CDKAL1: variants seen among roughly 807,000 people sequenced by gnomAD.
CDKAL1 encodes CDKAL1 threonylcarbamoyladenosine tRNA methylthiotransferase.
A neutral mutation model predicts 68.2 loss-of-function variants in CDKAL1; 32 were observed. The ratio of observed to expected loss-of-function variants is 0.47; its 90% CI spans 0.35 to 0.63. The LOEUF (loss-of-function observed/expected upper bound fraction) is 0.63, where lower values mean the gene tolerates loss of function less well. Among genes scored for constraint, CDKAL1 ranks in the 30% least tolerant of loss-of-function variants. The pLI, the probability that CDKAL1 is intolerant of heterozygous loss-of-function variation, is 0.00. For missense variants in CDKAL1, 606 were observed against 696.7 expected (o/e 0.87, Z 1.47); for synonymous variants, 234 against 244.3 (o/e 0.96, Z 0.39).
chr6:21,184,247 T>C (rs1485671549), intron 13 of CDKAL1, among the ~76,000 whole-genome samples: 1 of 149,022 alleles, frequency 6.7e-6, no homozygotes, highest in Non-Finnish European at 1.5e-5. Context: ...CAGGCTGGAG[T>C]GCAATGGCAC....
At chr6:20,632,149 C>T (rs1314266345) in intron 4 of CDKAL1, among the ~76,000 whole-genome samples, 3 of 152,228 alleles carry the variant, frequency 2.0e-5, no homozygotes, top group Admixed American at 6.5e-5. Context: ...ACCCAACCTA[C>T]TGAACATCAT....
intron 9 of CDKAL1, among the ~76,000 whole-genome samples, chr6:20,904,916 C>CAATCA (rs1762168061): frequency 6.6e-6 from 1 of 152,090 alleles, no homozygotes; most frequent in African/African-American, 2.4e-5. Flanking sequence ...CTGCCTATAT[C>CAATCA]AATCAAATCA....
chr6:21,102,493 C>A (rs539089709), intron 12 of CDKAL1, among the ~76,000 whole-genome samples: 44 of 152,304 alleles, frequency 2.9e-4, no homozygotes, highest in African/African-American at 1.0e-3. Flanking sequence ...CTTATTGCAT[C>A]TTAGTAAGCC....
chr6:21,165,988 A>G (rs180865906), intron 13 of CDKAL1, among the ~76,000 whole-genome samples: 2 of 152,318 alleles, frequency 1.3e-5, no homozygotes, highest in African/African-American at 4.8e-5. Flanking sequence ...GACCTTCGGA[A>G]AGTAACTAAC....
At chr6:20,745,004 A>G (rs372480882) in intron 6 of CDKAL1, among the ~76,000 whole-genome samples, 3 of 152,378 alleles carry the variant, frequency 2.0e-5, no homozygotes, top group Admixed American at 6.5e-5. Flanking sequence ...ACAATTTGAT[A>G]TTGAAAATTT....
chr6:20,598,502 A>T (rs532348788), intron 4 of CDKAL1, among the ~76,000 whole-genome samples: 1 of 152,336 alleles, frequency 6.6e-6, no homozygotes, highest in South Asian at 2.1e-4. Context: ...CATATCTGAC[A>T]CATCTTGCTA....
chr6:21,009,440 T>A (rs1767898635), intron 11 of CDKAL1, among the ~76,000 whole-genome samples: 1 of 152,124 alleles, frequency 6.6e-6, no homozygotes, highest in Non-Finnish European at 1.5e-5. Flanking sequence ...GGTGAGGGGA[T>A]CAATAAAGAA....
At chr6:20,738,358 G>A (rs1044180961) in intron 5 of CDKAL1, among the ~76,000 whole-genome samples, 68 of 151,984 alleles carry the variant, frequency 4.5e-4, no homozygotes, top group Non-Finnish European at 9.1e-4. Context: ...ATAAATGTTT[G>A]CTATATATAT....
intron 9 of CDKAL1, among the ~76,000 whole-genome samples, chr6:20,927,912 CTG>C (rs1561891022): frequency 1.3e-5 from 2 of 152,118 alleles, no homozygotes; most frequent in African/African-American, 2.4e-5. Flanking sequence ...GATTATTAGA[CTG>C]TATAATTTGA....
At chr6:20,878,605 G>A (rs1294756731) in intron 9 of CDKAL1, among the ~76,000 whole-genome samples, 1 of 151,478 alleles carries the variant, frequency 6.6e-6, no homozygotes, top group Non-Finnish European at 1.5e-5. Flanking sequence ...GCCGGGTGTG[G>A]TGATGCATGC....
At chr6:20,724,057 C>T (rs928292856) in intron 5 of CDKAL1, among the ~76,000 whole-genome samples, 4 of 152,234 alleles carry the variant, frequency 2.6e-5, no homozygotes, top group Admixed American at 6.5e-5. Flanking sequence ...CTCAGCCTCC[C>T]GAGTAGCTGG....
chr6:20,651,963 T>C (rs1698560036), intron 5 of CDKAL1, among the ~76,000 whole-genome samples: 1 of 152,224 alleles, frequency 6.6e-6, no homozygotes, highest in African/African-American at 2.4e-5. Context: ...CAGTATTTTA[T>C]TGAGGATTTT....
chr6:20,884,379 AAACTCACG>A (rs1182443240), intron 9 of CDKAL1, among the ~76,000 whole-genome samples: 1 of 152,238 alleles, frequency 6.6e-6, no homozygotes, highest in Non-Finnish European at 1.5e-5. Flanking sequence ...CATTTCTGAA[AAACTCACG>A]ATTAGCATCA....
At chr6:20,588,605 C>T (rs956261755) in intron 4 of CDKAL1, among the ~76,000 whole-genome samples, 7 of 152,154 alleles carry the variant, frequency 4.6e-5, no homozygotes, top group African/African-American at 1.7e-4. Flanking sequence ...TTCGGTAGCT[C>T]TAAGGTGGAT....
At chr6:21,034,078 G>A (rs796337855) in intron 11 of CDKAL1, among the ~76,000 whole-genome samples, 10 of 152,202 alleles carry the variant, frequency 6.6e-5, no homozygotes, top group African/African-American at 2.4e-4. Flanking sequence ...AGTTAAGCAA[G>A]ATAAGTTGGG....
chr6:21,184,090 A>G (rs1052948027), intron 13 of CDKAL1, among the ~76,000 whole-genome samples: 29 of 152,188 alleles, frequency 1.9e-4, no homozygotes, highest in Admixed American at 6.5e-5. Flanking sequence ...GACTTTTTGT[A>G]ACAATAAGAT....
At chr6:21,117,733 C>G (rs1774488888) in intron 13 of CDKAL1, among the ~76,000 whole-genome samples, 1 of 152,190 alleles carries the variant, frequency 6.6e-6, no homozygotes, top group Non-Finnish European at 1.5e-5. Context: ...ATACATTCCA[C>G]TTGGGCAAAT....
At chr6:21,202,281 G>A (rs1778722267) in intron 15 of CDKAL1, among the ~76,000 whole-genome samples, 2 of 152,014 alleles carry the variant, frequency 1.3e-5, no homozygotes, top group South Asian at 2.1e-4. Flanking sequence ...CGTCTAACCC[G>A]TACTGGAATG....
intron 13 of CDKAL1, among the ~76,000 whole-genome samples, chr6:21,164,236 A>G (rs1415445091): frequency 6.6e-6 from 1 of 152,104 alleles, no homozygotes; most frequent in Non-Finnish European, 1.5e-5. Flanking sequence ...TTGAAATTTT[A>G]AAAAATTATG....
Sources: allele counts gnomAD v4.1 joint callset (sites outside exome capture counted in the v4.1 genomes callset), GRCh38; gene constraint gnomAD v4.1.1; transcripts MANE v1.5; gene names NCBI Gene and HGNC (gene_info 2026-07-23, HGNC 2026-07-21).